ROBO1: variants seen among roughly 807,000 people sequenced by gnomAD.
The protein encoded by ROBO1 is roundabout guidance receptor 1, also known as roundabout homolog 1.
ROBO1 carries 149 observed loss-of-function variants against 195.9 expected under a neutral mutation model. The ratio of observed to expected loss-of-function variants is 0.76; its 90% CI spans 0.67 to 0.87. The LOEUF (loss-of-function observed/expected upper bound fraction) is 0.87, where lower values mean the gene tolerates loss of function less well. Ranked by LOEUF, ROBO1 falls within the 40% of genes least tolerant of loss-of-function variation. The pLI is 0.00. For synonymous variants in ROBO1, 816 were observed against 733.2 expected (o/e 1.11, Z -1.82); for missense variants, 1,933 against 2,068.3 (o/e 0.93, Z 1.27).
chr3:79,650,165 A>G (rs1365023042), intron 1 of ROBO1, among the ~76,000 whole-genome samples: 4 of 151,986 alleles, frequency 2.6e-5, no homozygotes, highest in East Asian at 1.9e-4. Flanking sequence ...GAAAAGTCCA[A>G]TAAAAACTAC....
intron 2 of ROBO1, among the ~76,000 whole-genome samples, chr3:79,407,999 T>A (rs2037616263): frequency 1.3e-5 from 2 of 152,128 alleles, no homozygotes; most frequent in Admixed American, 1.3e-4. Context: ...TTCTATGTTA[T>A]GTCTATGGTC....
chr3:78,677,398 C>G (rs1423265441), intron 10 of ROBO1, among the ~76,000 whole-genome samples: 4 of 152,050 alleles, frequency 2.6e-5, no homozygotes, highest in East Asian at 1.9e-4. Context: ...AAAGAGTCAA[C>G]ACCCATCAGT....
At chr3:79,744,336 G>A (rs1265811502) in intron 1 of ROBO1, among the ~76,000 whole-genome samples, 1 of 152,126 alleles carries the variant, frequency 6.6e-6, no homozygotes, top group Non-Finnish European at 1.5e-5. Flanking sequence ...TCTGCGTGAG[G>A]TACTGGGTGT....
In ROBO1 at chr3:79,204,394, T is replaced by C. The variant is rs2081826879; in HGVS notation, c.89-78855A>G. Among the ~76,000 whole-genome samples, 4 of 152,094 alleles carry C rather than the reference T, an allele frequency of 2.6e-5. No homozygotes were observed. In the South Asian group the frequency reaches 8.3e-4, roughly 31 times the overall value. Reference sequence around the variant, plus strand: ...GAGTATCTAGTGTGTTGCCTCTAGCTCTAATGAGGTATTCTTTAGTGTGTA... The same window carrying C: ...GAGTATCTAGTGTGTTGCCTCTAGCCCTAATGAGGTATTCTTTAGTGTGTA... On this transcript the variant is annotated intron_variant, in intron 2 of 30. Transcript: ENST00000464233.
At chr3:78,667,270 A>G (rs1011301722) in intron 14 of ROBO1, among the ~76,000 whole-genome samples, 1 of 152,132 alleles carries the variant, frequency 6.6e-6, no homozygotes, top group South Asian at 2.1e-4. Flanking sequence ...ATATTCACAT[A>G]TTTTTAAAAT....
chr3:79,223,033 A>C (rs2082168658), intron 2 of ROBO1, among the ~76,000 whole-genome samples: 1 of 152,190 alleles, frequency 6.6e-6, no homozygotes, highest in Non-Finnish European at 1.5e-5. Context: ...TAAACTTAGC[A>C]TGAGTTCTCC....
chr3:78,660,903 G>A (rs776177916), intron 16 of ROBO1, 127 bp downstream of exon 16: 4 of 700,258 alleles, frequency 5.7e-6, no homozygotes, highest in Non-Finnish European at 9.2e-6. Flanking sequence ...TTAGCAAAAT[G>A]TATGTTCAAT....
intron 3 of ROBO1, among the ~76,000 whole-genome samples, chr3:78,969,635 C>T (rs2107901005): frequency 6.6e-6 from 1 of 152,250 alleles, no homozygotes; most frequent in East Asian, 1.9e-4. Flanking sequence ...CTACTCAATG[C>T]TGCATGTGTT....
At chr3:78,920,346 C>T (rs1301059295) in intron 4 of ROBO1, among the ~76,000 whole-genome samples, 2 of 151,902 alleles carry the variant, frequency 1.3e-5, no homozygotes, top group Non-Finnish European at 2.9e-5. Context: ...GCTCTGTTGC[C>T]CAGGCTGGAG....
intron 2 of ROBO1, among the ~76,000 whole-genome samples, chr3:79,525,985 A>C (rs562579956): frequency 6.6e-6 from 1 of 152,298 alleles, no homozygotes; most frequent in South Asian, 2.1e-4. Flanking sequence ...TATGCAACTA[A>C]TAATAAAATT....
At chr3:79,323,869 T>C (rs1210833705) in intron 2 of ROBO1, among the ~76,000 whole-genome samples, 2 of 152,320 alleles carry the variant, frequency 1.3e-5, no homozygotes, top group South Asian at 2.1e-4. Flanking sequence ...CCCAGTAGTA[T>C]AGATGTATGC....
intron 3 of ROBO1, among the ~76,000 whole-genome samples, chr3:79,097,197 CAT>C (rs2079586543): frequency 6.6e-6 from 1 of 151,726 alleles, no homozygotes. Context: ...TGTATACAAA[CAT>C]ATTTCATACG....
At chr3:79,022,855 A>C (rs370611521) in intron 3 of ROBO1, among the ~76,000 whole-genome samples, 6 of 152,308 alleles carry the variant, frequency 3.9e-5, no homozygotes, top group African/African-American at 1.4e-4. Context: ...AATAGATTTC[A>C]GTAGTCCCGT....
At chr3:79,166,715 G>A (rs1262773531) in intron 2 of ROBO1, among the ~76,000 whole-genome samples, 14 of 151,718 alleles carry the variant, frequency 9.2e-5, no homozygotes, top group African/African-American at 3.1e-4. Flanking sequence ...ATAGGCGCCC[G>A]CCACCACGCC....
At position 78,861,596 on chromosome 3, in the gene ROBO1, T is replaced by C. The variant is rs554484247; in HGVS notation, c.499+77005A>G. On this transcript the variant is annotated intron_variant, in intron 4 of 30. Coordinates refer to ENST00000464233, the MANE Select transcript of ROBO1 (RefSeq NM_002941.4). Reference sequence around the variant, plus strand: ...AAAATGCCACTTCCTGAACACAGTGTATGTCTTTGCTCTCATGTTATGTTG... The same window carrying C: ...AAAATGCCACTTCCTGAACACAGTGCATGTCTTTGCTCTCATGTTATGTTG... Among the ~76,000 whole-genome samples, 23 of 152,332 alleles carry C rather than the reference T, an allele frequency of 1.5e-4. No individual in the cohort carries two copies. The South Asian group carries it at 4.6e-3, about 30-fold the overall frequency.
intron 3 of ROBO1, among the ~76,000 whole-genome samples, chr3:79,082,321 CTTA>C (rs1184095205): frequency 1.3e-5 from 2 of 152,046 alleles, no homozygotes; most frequent in African/African-American, 4.8e-5. Flanking sequence ...ATTGTCTATA[CTTA>C]TTATGCATTT....
At chr3:79,564,745 G>C (rs1943038915) in intron 2 of ROBO1, among the ~76,000 whole-genome samples, 1 of 151,914 alleles carries the variant, frequency 6.6e-6, no homozygotes, top group Non-Finnish European at 1.5e-5. Flanking sequence ...ATTGTCAATG[G>C]CTTGGTATAG....
intron 9 of ROBO1, 147 bp downstream of exon 9, chr3:78,688,501 T>C: frequency 2.5e-6 from 2 of 798,334 alleles, no homozygotes; most frequent in Non-Finnish European, 1.8e-6. Context: ...TTCTTTCTCA[T>C]TGCTAAAATG....
intron 2 of ROBO1, among the ~76,000 whole-genome samples, chr3:79,196,927 C>A (rs890271602): frequency 6.6e-6 from 1 of 151,624 alleles, no homozygotes; most frequent in African/African-American, 2.4e-5. Context: ...TGGATGATAT[C>A]ATGTTTTTAA....
Sources: gnomAD v4.1 joint callset for allele counts (sites outside exome capture counted in the v4.1 genomes callset) on GRCh38, gnomAD v4.1.1 for gene constraint, MANE v1.5 for transcripts, NCBI Gene and HGNC (gene_info 2026-07-23, HGNC 2026-07-21) for gene names.